The following THEMIS variants were observed in gnomAD, a reference collection of about 807,000 sequenced individuals.
THEMIS encodes thymocyte selection associated, also known as protein THEMIS.
A neutral mutation model predicts 52.6 loss-of-function variants in THEMIS; 37 were observed. That is an observed-to-expected ratio of 0.70 (90% confidence interval 0.54 to 0.93). The LOEUF is 0.93. THEMIS is among the 40% of genes least tolerant of loss of function. The pLI, the probability that THEMIS is intolerant of heterozygous loss-of-function variation, is 0.00. For missense variants in THEMIS, 808 were observed against 763.1 expected, an observed-to-expected ratio of 1.06 and a Z score of -0.69; for synonymous variants, 292 against 272.7, an observed-to-expected ratio of 1.07 and a Z score of -0.70.
chr6:127,887,082 G>T (rs968454902), intron 1 of THEMIS, among the ~76,000 whole-genome samples: 1 of 150,412 alleles, frequency 6.6e-6, no homozygotes, highest in Non-Finnish European at 1.5e-5. Flanking sequence ...TAAACAAAAT[G>T]AAACCACAAG....
intron 3 of THEMIS, among the ~76,000 whole-genome samples, chr6:127,821,164 C>CTG (rs1230914496): frequency 5.4e-5 from 8 of 147,850 alleles, no homozygotes; most frequent in East Asian, 2.1e-4. Flanking sequence ...GTGTGTGTGT[C>CTG]TGTGTGTGTG....
chr6:127,860,679 A>C (rs975549172), intron 1 of THEMIS, among the ~76,000 whole-genome samples: 1 of 152,004 alleles, frequency 6.6e-6, no homozygotes, highest in Admixed American at 6.6e-5. Context: ...AGCCAAAAAT[A>C]AATAAATAAA....
rs558306325 is a variant in THEMIS, at chr6:127,813,491, A to T, written c.1150T>A (p.Ser384Thr). Reference protein sequence around the residue: ...HSPHDKLSSVSVGDQFLVHQS... With the variant: ...HSPHDKLSSVTVGDQFLVHQS... ...TGCACCAGAAACTGGTCCCCAACAG[A>T]TACGGATGACAGCTTGTCATGAGGG... The change falls in exon 4 of 6, where the codon TCT becomes ACT. Residue 384 changes from serine (S) to threonine (T), a missense_variant. By Grantham distance (58) the Ser-to-Thr change is moderately conservative. Coordinates refer to ENST00000368248, the MANE Select transcript of THEMIS (RefSeq NM_001010923.3). 1.2e-6 allele frequency: 2 copies of T among 1,613,948 alleles called. No homozygotes were observed. Among genetic ancestry groups the T allele is most frequent in the African/African-American group, 1.3e-5 (1 of 74,998 alleles).
upstream of THEMIS, among the ~76,000 whole-genome samples, chr6:127,902,727 C>T (rs1001066073): frequency 3.3e-5 from 5 of 151,984 alleles, no homozygotes; most frequent in African/African-American, 1.2e-4. Flanking sequence ...CAAAAATGTC[C>T]TACCCTTGAT....
intron 4 of THEMIS, among the ~76,000 whole-genome samples, chr6:127,810,025 C>A (rs966418469): frequency 2.0e-5 from 3 of 151,418 alleles, no homozygotes; most frequent in African/African-American, 7.3e-5. Context: ...AGTAAAAAAA[C>A]AGCTAGGAAT....
chr6:127,758,191 G>A (rs904416719), intron 4 of THEMIS, among the ~76,000 whole-genome samples: 2 of 150,600 alleles, frequency 1.3e-5, no homozygotes, highest in Non-Finnish European at 3.0e-5. Flanking sequence ...TAAAAGGAGG[G>A]AGTATACAAA....
intron 1 of THEMIS, among the ~76,000 whole-genome samples, chr6:127,867,612 T>G (rs1166742076): frequency 6.6e-6 from 1 of 152,032 alleles, no homozygotes; most frequent in Admixed American, 6.6e-5. Flanking sequence ...CTTAATCAAG[T>G]GGCCACATTA....
chr6:127,763,116 AC>A (rs1776077388), intron 4 of THEMIS, among the ~76,000 whole-genome samples: 2 of 151,960 alleles, frequency 1.3e-5, no homozygotes, highest in South Asian at 4.1e-4. Flanking sequence ...TTAGCTTGAG[AC>A]CTAAGAGTTT....
the THEMIS span, among the ~76,000 whole-genome samples, chr6:127,702,183 A>C: frequency 6.6e-6 from 1 of 152,112 alleles, no homozygotes; most frequent in South Asian, 2.1e-4. Flanking sequence ...TTCTCACTGG[A>C]GAGCTTTTTC....
chr6:127,861,196 G>A (rs529222720), intron 1 of THEMIS, among the ~76,000 whole-genome samples: 1 of 152,088 alleles, frequency 6.6e-6, no homozygotes, highest in South Asian at 2.1e-4. Context: ...GAAGGACTTG[G>A]TTTCAAGTAC....
At chr6:127,735,320 T>A (rs2114540909) in intron 4 of THEMIS, among the ~76,000 whole-genome samples, 1 of 150,542 alleles carries the variant, frequency 6.6e-6, no homozygotes, top group East Asian at 1.9e-4. Context: ...CGTGTGTGCG[T>A]GTGTGTGTGT....
intron 4 of THEMIS, among the ~76,000 whole-genome samples, chr6:127,798,597 T>C (rs1339125523): frequency 1.3e-5 from 2 of 152,278 alleles, no homozygotes; most frequent in East Asian, 3.9e-4. Flanking sequence ...ATAACACTCA[T>C]AGGGATATGG....
At chr6:127,819,609 C>A (rs1778265423) in intron 3 of THEMIS, among the ~76,000 whole-genome samples, 1 of 152,090 alleles carries the variant, frequency 6.6e-6, no homozygotes, top group Non-Finnish European at 1.5e-5. Flanking sequence ...GGAAACCATG[C>A]AAGCAAGAAG....
chr6:127,821,889 G>A (rs1434948890), intron 3 of THEMIS, among the ~76,000 whole-genome samples: 1 of 151,930 alleles, frequency 6.6e-6, no homozygotes, highest in Non-Finnish European at 1.5e-5. Context: ...GTACAGGGAT[G>A]GAAATCTGCT....
intron 1 of THEMIS, among the ~76,000 whole-genome samples, chr6:127,862,194 A>G (rs1158388072): frequency 6.6e-6 from 1 of 152,156 alleles, no homozygotes; most frequent in African/African-American, 2.4e-5. Context: ...TAACTCATCT[A>G]TCTCAATGAC....
At chr6:127,757,245 T>C (rs940559847) in intron 4 of THEMIS, among the ~76,000 whole-genome samples, 1 of 152,192 alleles carries the variant, frequency 6.6e-6, no homozygotes, top group Admixed American at 6.5e-5. Flanking sequence ...TCTGCAAGTA[T>C]TGTTGAAGTA....
intron 1 of THEMIS, among the ~76,000 whole-genome samples, chr6:127,862,666 C>G (rs955450887): frequency 6.6e-6 from 1 of 151,700 alleles, no homozygotes; most frequent in East Asian, 1.9e-4. Flanking sequence ...GTGATCCACC[C>G]ACCTCGGCCT....
intron 4 of THEMIS, among the ~76,000 whole-genome samples, chr6:127,728,712 G>A (rs1291733387): frequency 6.6e-6 from 1 of 152,116 alleles, no homozygotes; most frequent in Non-Finnish European, 1.5e-5. Context: ...CATCCTGTGT[G>A]TGTGAGTTGG....
At chr6:127,734,868 CAAAAAAAAAAAA>C (rs1197660495) in intron 4 of THEMIS, among the ~76,000 whole-genome samples, 6 of 32,936 alleles carry the variant, frequency 1.8e-4, no homozygotes, top group Non-Finnish European at 2.4e-4. Context: ...GGCTCTGTCT[CAAAAAAAAAAAA>C]AAAAAAAAAA....
Sources: allele counts gnomAD v4.1 joint callset (sites outside exome capture counted in the v4.1 genomes callset), GRCh38; gene constraint gnomAD v4.1.1; transcripts MANE v1.5; gene names NCBI Gene and HGNC (gene_info 2026-07-23, HGNC 2026-07-21).